Variants in TRIM62 observed in about 807,000 individuals in gnomAD.
TRIM62 encodes E3 ubiquitin-protein ligase TRIM62.
Under a neutral mutation model 44.2 loss-of-function variants are expected in TRIM62, and 39 were observed. The ratio of observed to expected loss-of-function variants is 0.88; its 90% CI spans 0.68 to 1.15. The LOEUF is 1.15. TRIM62 is among the 50% of genes most tolerant of loss of function. The pLI, the probability that TRIM62 is intolerant of heterozygous loss-of-function variation, is 0.00. For missense variants in TRIM62, 544 were observed against 665.5 expected, an observed-to-expected ratio of 0.82 and a Z score of 2.01; for synonymous variants, 278 against 292.3, an observed-to-expected ratio of 0.95 and a Z score of 0.50.
chr1:33,150,674 C>T (rs982814019), intron 4 of TRIM62, among the ~76,000 whole-genome samples: 2 of 152,214 alleles, frequency 1.3e-5, no homozygotes, highest in Admixed American at 1.3e-4. Flanking sequence ...GGCAGCTTGT[C>T]AGAACCAGGG....
chr1:33,174,407 C>A (rs566636589), intron 1 of TRIM62, among the ~76,000 whole-genome samples: 1 of 152,272 alleles, frequency 6.6e-6, no homozygotes, highest in African/African-American at 2.4e-5. Flanking sequence ...TGGTCTCGAA[C>A]TTCTGGGCTC....
intron 1 of TRIM62, among the ~76,000 whole-genome samples, chr1:33,168,379 G>A (rs1005202551): frequency 1.8e-5 from 2 of 108,970 alleles, no homozygotes; most frequent in African/African-American, 6.6e-5. Flanking sequence ...CTGGCTGTCT[G>A]AGAAAAACTT....
rs1645243006 is a variant in TRIM62 at position 33,160,043 on chromosome 1, A to G, written c.505-99T>C. Reference sequence around the variant, plus strand: ...GAGAGCCTTGACACACAGAGAGGAAAGGGTGGGAAAGGGCACGCGTGGTGG... The same window carrying G: ...GAGAGCCTTGACACACAGAGAGGAAGGGGTGGGAAAGGGCACGCGTGGTGG... On this transcript the variant is annotated intron_variant, in intron 2 of 4. Coordinates refer to ENST00000291416, the MANE Select transcript of TRIM62 (RefSeq NM_018207.3). 1.6e-5 allele frequency: 24 copies of G among 1,470,536 alleles called. 1 individual carries two copies. The Admixed American group carries it at 4.8e-4, about 29-fold the overall frequency. 91.1% of individuals were successfully genotyped at this position (1,470,536 alleles called of 1,614,324 possible).
chr1:33,176,365 G>T (rs772036183), intron 1 of TRIM62: 11 of 671,540 alleles, frequency 1.6e-5, no homozygotes, highest in Non-Finnish European at 5.5e-6. Flanking sequence ...CTCCCTCCTT[G>T]GGTGGCTGCC....
chr1:33,176,952 G>A (rs1645424157), intron 1 of TRIM62, among the ~76,000 whole-genome samples: 1 of 152,172 alleles, frequency 6.6e-6, no homozygotes. Flanking sequence ...GAACTCTTTG[G>A]AAATGGGCTC....
At chr1:33,151,633 G>A (rs923453479) in intron 4 of TRIM62, among the ~76,000 whole-genome samples, 4 of 152,144 alleles carry the variant, frequency 2.6e-5, no homozygotes, top group African/African-American at 9.7e-5. Flanking sequence ...CTATTCTACA[G>A]GTCAGAGCTC....
chr1:33,173,445 G>A (rs1425721327), intron 1 of TRIM62, among the ~76,000 whole-genome samples: 1 of 152,152 alleles, frequency 6.6e-6, no homozygotes, highest in African/African-American at 2.4e-5. Flanking sequence ...GTGTATGTGT[G>A]TGTGTGCATG....
intron 2 of TRIM62, chr1:33,164,390 C>A (rs1446465651): frequency 6.6e-6 from 1 of 152,304 alleles, no homozygotes; most frequent in Non-Finnish European, 1.5e-5. Flanking sequence ...CCAGGCCTCA[C>A]GACACAGAGT....
At chr1:33,176,440 T>C (rs1645420158) in intron 1 of TRIM62, 1 of 697,854 alleles carries the variant, frequency 1.4e-6, no homozygotes, top group African/African-American at 1.7e-5. Context: ...TCCACTGCTG[T>C]CTTCTCTGGC....
At chr1:33,164,356 G>T (rs1645308359) in intron 2 of TRIM62, 1 of 152,308 alleles carries the variant, frequency 6.6e-6, no homozygotes, top group African/African-American at 2.4e-5. Flanking sequence ...CCTGCTGACA[G>T]AGCGGGGTCA....
intron 4 of TRIM62, among the ~76,000 whole-genome samples, chr1:33,157,760 T>C (rs1201550101): frequency 2.0e-5 from 3 of 151,886 alleles, no homozygotes; most frequent in East Asian, 3.9e-4. Flanking sequence ...TTTTTTTTTT[T>C]CTTCCTTTTT....
rs768824100 is a variant in TRIM62 at position 33,181,072 on chromosome 1, C to G, written c.361G>C (p.Glu121Gln). Residue 121 changes from glutamate to glutamine, a missense_variant, in exon 1 of 5, where the codon GAG becomes CAG. Coordinates refer to ENST00000291416, the MANE Select transcript of TRIM62 (RefSeq NM_018207.3). The surrounding 1 kb of genome is among the most constrained non-coding windows in gnomAD (Gnocchi z 6.5). ...CFFCDEPALH[E>Q]QHQVTGIDDA... ...TCGATGCCGGTGACCTGATGCTGCTCGTGCAGTGCAGGCTCGTCGCAGAAG... is the reference window on the plus strand; with the variant it reads ...TCGATGCCGGTGACCTGATGCTGCTGGTGCAGTGCAGGCTCGTCGCAGAAG... The G allele has an allele frequency of 1.9e-6, 3 of 1,599,830 alleles. No individual in the cohort carries two copies. The highest frequency in any genetic ancestry group is 2.5e-6 in the Non-Finnish European group (3 of 1,178,900).
intron 4 of TRIM62, among the ~76,000 whole-genome samples, chr1:33,154,078 G>C (rs377001231): frequency 9.2e-5 from 14 of 152,338 alleles, no homozygotes; most frequent in East Asian, 7.7e-4. Context: ...ATTGTGTAGA[G>C]GGCTGCAGCC....
In TRIM62 at chr1:33,177,637, G is replaced by A. The variant is rs1645432347; in HGVS notation, c.408+3388C>T. On this transcript the variant is annotated intron_variant, in intron 1 of 4. Transcript: ENST00000291416. This position sits in a 1 kb window ranked among gnomAD's most constrained non-coding sequence, Gnocchi z 4.1. Reference sequence around the variant, plus strand: ...TTGACTCTAGGAGACATTTGTCAATGCTTGGAGATGGTTTTGATTGTCACA... The same window carrying A: ...TTGACTCTAGGAGACATTTGTCAATACTTGGAGATGGTTTTGATTGTCACA... Among the ~76,000 whole-genome samples the A allele has an allele frequency of 6.6e-6, 1 of 152,192 alleles. No individual in the cohort carries two copies. The highest frequency in any genetic ancestry group is 2.4e-5 in the African/African-American group (1 of 41,442).
At chr1:33,160,593 T>C (rs943390529) in intron 2 of TRIM62, among the ~76,000 whole-genome samples, 1 of 151,910 alleles carries the variant, frequency 6.6e-6, no homozygotes, top group Admixed American at 6.6e-5. Flanking sequence ...TTAGTAGAGA[T>C]GGGGTTTCAC....
chr1:33,147,749 G>A lies in TRIM62; in HGVS notation c.878-22C>T, dbSNP rs1255157256. 1 of 1,599,018 alleles carries A rather than the reference G, an allele frequency of 6.3e-7. No homozygotes were observed. Among genetic ancestry groups the A allele is most frequent in the Non-Finnish European group, 8.5e-7 (1 of 1,170,536 alleles). On this transcript the variant is annotated intron_variant, in intron 4 of 4. Coordinates refer to ENST00000291416, the MANE Select transcript of TRIM62 (RefSeq NM_018207.3). The surrounding 1 kb of genome is among the most constrained non-coding windows in gnomAD (Gnocchi z 8.1). ...GGCACTGTGGGGGTTGGAGGAGGGA[G>A]AGAAGATGAGTGGGGAGAAGGCTGT...
At position 33,176,461 on chromosome 1, in the gene TRIM62, C is replaced by T. The variant is rs971296753; in HGVS notation, c.408+4564G>A. The T allele has an allele frequency of 1.0e-5, 7 of 695,172 alleles. No homozygotes were observed. In the African/African-American group the frequency reaches 1.0e-4, roughly 10 times the overall value. The allele number at this position is 695,172 out of a possible 1,614,324, so 43.1% of individuals were successfully genotyped here. A position where few individuals can be genotyped will look rare whatever the true frequency, so the allele number is the denominator to read the frequency against. On this transcript the variant is annotated intron_variant, in intron 1 of 4. Coordinates refer to ENST00000291416, the MANE Select transcript of TRIM62 (RefSeq NM_018207.3). ...GCTGTCTTCTCTGGCATGAAGGAAG[C>T]CTTGGGAAGGGCTCCAATGGTCACA...
At chr1:33,151,647 T>A (rs1477753523) in intron 4 of TRIM62, among the ~76,000 whole-genome samples, 1 of 152,168 alleles carries the variant, frequency 6.6e-6, no homozygotes, top group African/African-American at 2.4e-5. Flanking sequence ...AGAGCTCATT[T>A]CTAAGTCCCG....
Position 33,165,643 on chromosome 1 carries a change from G to A in TRIM62, c.409-77C>T, listed in dbSNP as rs75344808. 1,095 of 1,299,222 alleles carry A rather than the reference G, an allele frequency of 8.4e-4. 10 individuals are homozygous for A. In the African/African-American group the frequency reaches 0.015, roughly 18 times the overall value. The allele number at this position is 1,299,222 out of a possible 1,614,324, so 80.5% of individuals were successfully genotyped here. A position where few individuals can be genotyped will look rare whatever the true frequency, so the allele number is the denominator to read the frequency against. On this transcript the variant is annotated intron_variant, in intron 1 of 4. Coordinates refer to ENST00000291416, the MANE Select transcript of TRIM62 (RefSeq NM_018207.3). The surrounding 1 kb of genome is among the most constrained non-coding windows in gnomAD (Gnocchi z 4.0). ...CATTCAGCCCTGACCACTGCCAGGC[G>A]CTGGGGGTTAGCCTGGTCTCTGTCC...
Sources: allele counts gnomAD v4.1 joint callset (sites outside exome capture counted in the v4.1 genomes callset), GRCh38; gene constraint gnomAD v4.1.1; non-coding constraint Gnocchi (gnomAD v3.1); transcripts MANE v1.5; gene names NCBI Gene and HGNC (gene_info 2026-07-23, HGNC 2026-07-21).